Variants in JDP2 observed in about 807,000 individuals in gnomAD.
JDP2 encodes progesterone receptor co-activator.
A neutral mutation model predicts 17.1 loss-of-function variants in JDP2; 9 were observed. That is an observed-to-expected ratio of 0.53 (90% CI 0.32 to 0.92). The LOEUF is 0.92. Ranked by LOEUF, JDP2 falls within the 40% of genes least tolerant of loss-of-function variation. JDP2 has a pLI of 0.04. For synonymous variants in JDP2, 107 were observed against 95.6 expected, an observed-to-expected ratio of 1.12 and a Z score of -0.69; for missense variants, 179 against 220.0, an observed-to-expected ratio of 0.81 and a Z score of 1.18.
chr14:75,460,125 G>A (rs1471950967), intron 2 of JDP2, among the ~76,000 whole-genome samples: 4 of 152,204 alleles, frequency 2.6e-5, no homozygotes, highest in African/African-American at 7.2e-5. Context: ...ATTACTAATG[G>A]AGCAATAACA....
intron 2 of JDP2, among the ~76,000 whole-genome samples, chr14:75,456,430 A>C (rs1886110218): frequency 6.6e-6 from 1 of 152,082 alleles, no homozygotes; most frequent in African/African-American, 2.4e-5. Context: ...TGAGGTGAGC[A>C]AGCCTGGGTG....
At chr14:75,445,655 C>A (rs1424678400) in intron 2 of JDP2, 1 of 889,036 alleles carries the variant, frequency 1.1e-6, no homozygotes, top group Admixed American at 6.2e-5. Context: ...GTACCATATA[C>A]ATATATTATC....
At chr14:75,455,469 C>T (rs1186570133) in intron 2 of JDP2, among the ~76,000 whole-genome samples, 1 of 152,194 alleles carries the variant, frequency 6.6e-6, no homozygotes, top group Non-Finnish European at 1.5e-5. Context: ...CCGTTTTACC[C>T]TGCTCTGTGC....
At chr14:75,452,845 G>C (rs1419867076) in intron 2 of JDP2, among the ~76,000 whole-genome samples, 5 of 152,162 alleles carry the variant, frequency 3.3e-5, no homozygotes, top group Admixed American at 1.3e-4. Flanking sequence ...CATTTGTCTT[G>C]AATTTTCTCC....
intron 2 of JDP2, among the ~76,000 whole-genome samples, chr14:75,441,636 G>A (rs1195482165): frequency 1.3e-5 from 2 of 152,246 alleles, no homozygotes; most frequent in African/African-American, 2.4e-5. Flanking sequence ...TGGTAGGACT[G>A]CTCATTCTGA....
intron 3 of JDP2, among the ~76,000 whole-genome samples, chr14:75,466,963 A>C (rs1371713856): frequency 1.3e-5 from 2 of 152,162 alleles, no homozygotes; most frequent in African/African-American, 2.4e-5. Context: ...TATAAGTTAC[A>C]GTAAGCCTCT....
chr14:75,433,827 G>A (rs1884934006), intron 1 of JDP2, among the ~76,000 whole-genome samples: 1 of 152,016 alleles, frequency 6.6e-6, no homozygotes, highest in Non-Finnish European at 1.5e-5. Context: ...TATATTTTGA[G>A]GCATAAGCCC....
At chr14:75,467,349 G>A (rs1402486207) in intron 3 of JDP2, among the ~76,000 whole-genome samples, 1 of 152,172 alleles carries the variant, frequency 6.6e-6, no homozygotes, top group African/African-American at 2.4e-5. Flanking sequence ...CCCTCTCTAA[G>A]GTCTTCTGAA....
intron 2 of JDP2, among the ~76,000 whole-genome samples, chr14:75,453,938 C>G (rs1265390189): frequency 6.6e-6 from 1 of 152,018 alleles, no homozygotes; most frequent in African/African-American, 2.4e-5. Flanking sequence ...ATTTCTTTGT[C>G]CATGTGAGAG....
At chr14:75,454,785 A>G (rs1306156625) in intron 2 of JDP2, among the ~76,000 whole-genome samples, 1 of 151,936 alleles carries the variant, frequency 6.6e-6, no homozygotes, top group Admixed American at 6.6e-5. Flanking sequence ...GTTTTGAGGG[A>G]GAGGAAGAAG....
intron 2 of JDP2, among the ~76,000 whole-genome samples, chr14:75,450,900 A>T (rs906692466): frequency 1.1e-4 from 17 of 152,160 alleles, no homozygotes; most frequent in Non-Finnish European, 2.5e-4. Context: ...GCAGAGGGAC[A>T]CCTCCTCAGC....
intron 3 of JDP2, among the ~76,000 whole-genome samples, chr14:75,468,516 G>A (rs1046982004): frequency 1.2e-4 from 19 of 152,122 alleles, no homozygotes; most frequent in African/African-American, 1.9e-4. Context: ...CCATCTACAC[G>A]ATGGACATGT....
chr14:75,458,862 C>T (rs1886225440), intron 2 of JDP2, among the ~76,000 whole-genome samples: 1 of 152,132 alleles, frequency 6.6e-6, no homozygotes, highest in Admixed American at 6.5e-5. Flanking sequence ...GCCTGGCTGG[C>T]TTGGAGAAGG....
At chr14:75,467,558 G>T (rs1422354873) in intron 3 of JDP2, among the ~76,000 whole-genome samples, 1 of 152,172 alleles carries the variant, frequency 6.6e-6, no homozygotes, top group African/African-American at 2.4e-5. Context: ...TGAGGCAGGG[G>T]CTCAGGAGAG....
intron 2 of JDP2, among the ~76,000 whole-genome samples, chr14:75,442,226 A>C (rs1885389148): frequency 6.6e-6 from 1 of 152,138 alleles, no homozygotes; most frequent in South Asian, 2.1e-4. Context: ...CTTTTTTAAA[A>C]AATTGAATGA....
At chr14:75,435,985 C>T (rs538854423) in intron 1 of JDP2, among the ~76,000 whole-genome samples, 1 of 152,274 alleles carries the variant, frequency 6.6e-6, no homozygotes, top group Admixed American at 6.5e-5. Flanking sequence ...CATTCCCAGG[C>T]ACCTCGCTTT....
At position 75,428,615 on chromosome 14, in the gene JDP2, G is replaced by A. The variant is rs1342335898; in HGVS notation, c.-24+363G>A. On this transcript the variant is annotated intron_variant, in intron 1 of 3. Coordinates refer to ENST00000651602, the MANE Select transcript of JDP2 (RefSeq NM_001135048.2). This position sits in a 1 kb window ranked among gnomAD's most constrained non-coding sequence, Gnocchi z 5.6. ...GCGGCGGGGAAGGCGGGGTGAGTGG[G>A]GAGAAAAGTGCCCGCGGAGATGGGC... 6.6e-6 allele frequency: 1 copy of A among 152,462 alleles called. No homozygotes were observed. The allele number at this position is 152,462 out of a possible 1,614,324, so 9.4% of individuals were successfully genotyped here.
Position 75,447,594 on chromosome 14 carries a change from C to T in JDP2, c.201+9473C>T, listed in dbSNP as rs564754136. 2.6e-4 allele frequency among the ~76,000 whole-genome samples: 36 copies of T among 141,162 alleles called. No homozygotes were observed. In the South Asian group the frequency reaches 7.4e-3, roughly 29 times the overall value. The allele number at this position is 141,162 out of a possible 152,430, so 92.6% of individuals were successfully genotyped here. A position where few individuals can be genotyped will look rare whatever the true frequency, so the allele number is the denominator to read the frequency against. On this transcript the variant is annotated intron_variant, in intron 2 of 3. Coordinates refer to ENST00000651602, the MANE Select transcript of JDP2 (RefSeq NM_001135048.2). ...CAGCACAAAGCTCTTCCTGCTACTT[C>T]GCATTAACTGATGAGCATCCTGAGA... is the stretch of plus-strand genomic sequence containing the variant.
intron 2 of JDP2, among the ~76,000 whole-genome samples, chr14:75,454,518 CTGAG>C (rs1409169304): frequency 3.1e-4 from 47 of 152,262 alleles, no homozygotes; most frequent in African/African-American, 1.1e-3. Flanking sequence ...GCTCTGGTGG[CTGAG>C]TGACAGTGGT....
Sources: gnomAD v4.1 joint callset for allele counts (sites outside exome capture counted in the v4.1 genomes callset) on GRCh38, gnomAD v4.1.1 for gene constraint, Gnocchi (gnomAD v3.1) non-coding constraint, MANE v1.5 for transcripts, NCBI Gene and HGNC (gene_info 2026-07-23, HGNC 2026-07-21) for gene names.